The following POLR3GL variants were observed in gnomAD, a reference collection of about 807,000 sequenced individuals.
The protein encoded by POLR3GL is DNA-directed RNA polymerase III subunit RPC7-like.
In POLR3GL, 26 loss-of-function variants were observed where a neutral mutation model predicts 32.4. That is an observed-to-expected ratio of 0.80 (90% CI 0.59 to 1.11). POLR3GL has a LOEUF of 1.11. POLR3GL is among the 50% of genes most tolerant of loss of function. The pLI, the probability that POLR3GL is intolerant of heterozygous loss-of-function variation, is 0.00. For synonymous variants in POLR3GL, 95 were observed against 98.7 expected, an observed-to-expected ratio of 0.96 and a Z score of 0.22; for missense variants, 229 against 280.1, an observed-to-expected ratio of 0.82 and a Z score of 1.30.
intron 1 of POLR3GL, among the ~76,000 whole-genome samples, chr1:145,969,803 C>CA (rs1240910712): frequency 6.6e-6 from 1 of 150,390 alleles, no homozygotes; most frequent in Non-Finnish European, 1.5e-5. Context: ...CCTGTAATCC[C>CA]AGCCACTCAG....
At position 145,978,587 on chromosome 1, in the gene POLR3GL, TGACA is replaced by T. The variant is rs1650673529; in HGVS notation, c.*142_*145del. ...CCCTGGAGATGGGAATAGAGGATGA[TGACA>T]GTTTATTTTCTACACTTCCCCTCCT... is the stretch of plus-strand genomic sequence containing the variant. On this transcript the variant is annotated 3_prime_UTR_variant, in exon 8 of 8. Transcript: ENST00000369314. 1.5e-6 allele frequency: 1 copy of T among 672,774 alleles called. No individual in the cohort carries two copies. The highest frequency in any genetic ancestry group is 1.9e-5 in the South Asian group (1 of 53,714). 41.7% of individuals were successfully genotyped at this position (672,774 alleles called of 1,614,324 possible).
Position 145,977,870 on chromosome 1 carries a change from T to A in POLR3GL, c.456+19T>A. ...ACTAGAGGTGAGGAGGAAGTGTGCATAGAGACCTCCTGAGCCCTGGATCCA... is the reference window on the plus strand; with the variant it reads ...ACTAGAGGTGAGGAGGAAGTGTGCAAAGAGACCTCCTGAGCCCTGGATCCA... On this transcript the variant is annotated intron_variant, in intron 6 of 7. Coordinates refer to ENST00000369314, the MANE Select transcript of POLR3GL (RefSeq NM_032305.3). 6.2e-7 allele frequency: 1 copy of A among 1,613,438 alleles called. No individual in the cohort carries two copies.
chr1:145,974,863 A>G lies in POLR3GL; in HGVS notation c.-3A>G. The G allele has an allele frequency of 1.3e-6, 2 of 1,514,418 alleles. No individual in the cohort carries two copies. Among genetic ancestry groups the G allele is most frequent in the Non-Finnish European group, 1.8e-6 (2 of 1,140,800 alleles). 93.8% of individuals were successfully genotyped at this position (1,514,418 alleles called of 1,614,324 possible). ...ATCTCTGAATACCCAGGCCCCCTCCACCATGGCCAGCCGGGGTGGGGGCCG... is the reference window on the plus strand; with the variant it reads ...ATCTCTGAATACCCAGGCCCCCTCCGCCATGGCCAGCCGGGGTGGGGGCCG... On this transcript the variant is annotated 5_prime_UTR_variant, in exon 2 of 8. Transcript: ENST00000369314.
chr1:145,976,148 G>A (rs1650544663), intron 3 of POLR3GL, among the ~76,000 whole-genome samples: 1 of 152,128 alleles, frequency 6.6e-6, no homozygotes, highest in Non-Finnish European at 1.5e-5. Context: ...AGTGGTGTGT[G>A]CCTGTGGTCT....
intron 1 of POLR3GL, among the ~76,000 whole-genome samples, chr1:145,972,380 CAAAAAAA>C (rs782476722): frequency 1.2e-3 from 101 of 82,542 alleles, no homozygotes; most frequent in Non-Finnish European, 4.3e-4. Flanking sequence ...AACTCCATCT[CAAAAAAA>C]AAAAAAAAAA....
chr1:145,978,720 A>G lies in POLR3GL; in HGVS notation c.*273A>G, dbSNP rs587768699. ...AATTGAAAGAAGAACTGGGGTTGTT[A>G]GAGCTGAGATGACTGTACACATACC... On this transcript the variant is annotated 3_prime_UTR_variant, in exon 8 of 8. Coordinates refer to ENST00000369314, the MANE Select transcript of POLR3GL (RefSeq NM_032305.3). The G allele has an allele frequency of 3.1e-5, 14 of 451,912 alleles. No homozygotes were observed. Among genetic ancestry groups the G allele is most frequent in the Non-Finnish European group, 5.1e-5 (13 of 252,940 alleles). The allele number at this position is 451,912 out of a possible 1,614,324, so 28.0% of individuals were successfully genotyped here.
At chr1:145,978,243 C>T (rs1176164649) in intron 7 of POLR3GL, 118 bp from the exon 8 acceptor site, 6 of 1,321,024 alleles carry the variant, frequency 4.5e-6, no homozygotes, top group Non-Finnish European at 5.3e-6. Flanking sequence ...CTTCTACAAA[C>T]TACAGCTGGA....
intron 7 of POLR3GL, 127 bp from the exon 8 acceptor site, chr1:145,978,234 T>A: frequency 1.5e-6 from 2 of 1,323,354 alleles, no homozygotes; most frequent in Non-Finnish European, 1.1e-6. Flanking sequence ...TCTGCCCCCC[T>A]TCTACAAACT....
At chr1:145,972,013 C>T (rs868956126) in intron 1 of POLR3GL, among the ~76,000 whole-genome samples, 2,819 of 97,270 alleles carry the variant, frequency 0.029, 189 homozygotes, top group African/African-American at 0.12. Context: ...TATATATATA[C>T]GTGTGTGTGT....
chr1:145,973,482 C>T (rs782715630), intron 1 of POLR3GL, among the ~76,000 whole-genome samples: 42 of 151,998 alleles, frequency 2.8e-4, no homozygotes, highest in Admixed American at 1.3e-4. Context: ...GAAGCCCAAG[C>T]AGGTGGATCA....
chr1:145,974,093 C>T (rs1016545045), intron 1 of POLR3GL, among the ~76,000 whole-genome samples: 6 of 151,524 alleles, frequency 4.0e-5, no homozygotes, highest in African/African-American at 1.2e-4. Context: ...GATCACACCA[C>T]GGCACTCCAG....
chr1:145,971,011 C>T (rs1368414932), intron 1 of POLR3GL, among the ~76,000 whole-genome samples: 1 of 150,088 alleles, frequency 6.7e-6, no homozygotes, highest in African/African-American at 2.5e-5. Context: ...TGGAGAAACC[C>T]CCTCTGTACT....
intron 1 of POLR3GL, among the ~76,000 whole-genome samples, chr1:145,968,091 A>G (rs1369998696): frequency 6.6e-6 from 1 of 152,184 alleles, no homozygotes; most frequent in Non-Finnish European, 1.5e-5. Context: ...ACCACAATAT[A>G]TATGTATGAA....
intron 1 of POLR3GL, among the ~76,000 whole-genome samples, chr1:145,967,382 C>T (rs1553762180): frequency 6.6e-6 from 1 of 151,932 alleles, no homozygotes; most frequent in Non-Finnish European, 1.5e-5. Context: ...CTCTATGTTG[C>T]CCAGGCTGGT....
At chr1:145,965,887 G>A (rs1357192742) in intron 1 of POLR3GL, among the ~76,000 whole-genome samples, 5 of 149,356 alleles carry the variant, frequency 3.3e-5, no homozygotes, top group East Asian at 2.0e-4. Flanking sequence ...AGGCCGAGGC[G>A]GGCAGATCGC....
chr1:145,972,016 G>A (rs1570994892), intron 1 of POLR3GL, among the ~76,000 whole-genome samples: 2 of 132,666 alleles, frequency 1.5e-5, no homozygotes, highest in African/African-American at 3.0e-5. Flanking sequence ...ATATATACGT[G>A]TGTGTGTGTG....
intron 5 of POLR3GL, 32 bp from the exon 6 acceptor site, chr1:145,977,746 T>C: frequency 6.2e-7 from 1 of 1,609,118 alleles, no homozygotes; most frequent in Non-Finnish European, 8.5e-7. Context: ...AAATTTGCTC[T>C]CTGAAGGTTT....
chr1:145,966,194 T>C (rs965924835), intron 1 of POLR3GL, among the ~76,000 whole-genome samples: 3 of 144,966 alleles, frequency 2.1e-5, no homozygotes, highest in African/African-American at 7.7e-5. Flanking sequence ...AGCAAGCCAT[T>C]TCTGGCTGGG....
intron 1 of POLR3GL, among the ~76,000 whole-genome samples, chr1:145,971,964 CAAAAAA>C (rs1187495263): frequency 0.036 from 1,625 of 45,032 alleles, 8 homozygotes; most frequent in Non-Finnish European, 0.046. Flanking sequence ...GACTCTGTCT[CAAAAAA>C]AAAAAAAAAA....
Sources: gnomAD v4.1 joint callset for allele counts (sites outside exome capture counted in the v4.1 genomes callset) on GRCh38, gnomAD v4.1.1 for gene constraint, MANE v1.5 for transcripts, NCBI Gene and HGNC (gene_info 2026-07-23, HGNC 2026-07-21) for gene names.